HSPBAP1: variants seen among roughly 807,000 people sequenced by gnomAD.
The protein encoded by HSPBAP1 is HSPB1-associated protein 1.
HSPBAP1 carries 27 observed loss-of-function variants against 45.2 expected under a neutral mutation model. The ratio of observed to expected loss-of-function variants is 0.60; its 90% CI spans 0.44 to 0.82. The LOEUF (loss-of-function observed/expected upper bound fraction) is 0.82, where lower values mean the gene tolerates loss of function less well. HSPBAP1 is among the 40% of genes least tolerant of loss of function. The probability of loss-of-function intolerance (pLI) is 0.00; values close to 1 mark genes in which losing one functional copy is unlikely to be tolerated. For synonymous variants in HSPBAP1, 204 were observed against 202.7 expected (o/e 1.01, Z -0.06); for missense variants, 510 against 590.9 (o/e 0.86, Z 1.42).
chr3:122,740,406 A>T lies in HSPBAP1; in HGVS notation c.1406T>A (p.Leu469Ter). 6.2e-7 allele frequency: 1 copy of T among 1,613,886 alleles called. No individual in the cohort carries two copies. The highest frequency in any genetic ancestry group is 8.5e-7 in the Non-Finnish European group (1 of 1,179,788). ...FISTDDLLDC[L>*]VNPQVTRIVA... Reference sequence around the variant, plus strand: ...TATCCTGGTTACTTGTGGATTCACCAAGCAGTCCAGCAAGTCATCCGTAGA... The same window carrying T: ...TATCCTGGTTACTTGTGGATTCACCTAGCAGTCCAGCAAGTCATCCGTAGA... The change falls in exon 8 of 8, where the codon TTG (leucine) becomes TAG (stop). Residue 469 changes from leucine (L) to a stop codon, truncating the protein, a stop_gained. Coordinates refer to ENST00000306103, the MANE Select transcript of HSPBAP1 (RefSeq NM_024610.6). LOFTEE classifies it high-confidence loss of function.
At chr3:122,745,840 G>A (rs900169256) in intron 6 of HSPBAP1, among the ~76,000 whole-genome samples, 4 of 152,184 alleles carry the variant, frequency 2.6e-5, no homozygotes, top group African/African-American at 9.7e-5. Flanking sequence ...ATGGTAAGAA[G>A]AAATCTTCTA....
chr3:122,792,776 CAGA>C (rs1341902907), intron 1 of HSPBAP1, among the ~76,000 whole-genome samples: 1 of 151,694 alleles, frequency 6.6e-6, no homozygotes, highest in Non-Finnish European at 1.5e-5. Flanking sequence ...GACGCTGAGG[CAGA>C]AGAATTGCTT....
chr3:122,745,370 A>G (rs950527162), intron 6 of HSPBAP1, among the ~76,000 whole-genome samples: 54 of 152,228 alleles, frequency 3.5e-4, no homozygotes, highest in Non-Finnish European at 4.9e-4. Flanking sequence ...ACAGAATGGA[A>G]GAGAAGACCT....
chr3:122,744,840 A>G (rs1421779688), intron 6 of HSPBAP1, among the ~76,000 whole-genome samples: 1 of 152,240 alleles, frequency 6.6e-6, no homozygotes, highest in South Asian at 2.1e-4. Flanking sequence ...TAAAAACAGT[A>G]TATCAAAACC....
intron 4 of HSPBAP1, among the ~76,000 whole-genome samples, chr3:122,757,094 A>G (rs986407492): frequency 2.0e-5 from 3 of 152,150 alleles, no homozygotes; most frequent in Non-Finnish European, 2.9e-5. Context: ...AACAGCCATA[A>G]TGATAACCAT....
intron 6 of HSPBAP1, among the ~76,000 whole-genome samples, chr3:122,748,603 C>A (rs1172687825): frequency 2.0e-5 from 3 of 152,120 alleles, no homozygotes; most frequent in South Asian, 4.1e-4. Context: ...GTTGGTGAGG[C>A]TGTGGAGGAA....
intron 1 of HSPBAP1, among the ~76,000 whole-genome samples, chr3:122,778,223 T>TTTG (rs1553756099): frequency 7.4e-4 from 112 of 151,366 alleles, no homozygotes; most frequent in Non-Finnish European, 1.2e-3. Flanking sequence ...TTGTTGTTTT[T>TTTG]TTTTTTTAAT....
chr3:122,770,505 C>G (rs937827803), intron 2 of HSPBAP1, among the ~76,000 whole-genome samples: 3 of 152,034 alleles, frequency 2.0e-5, no homozygotes, highest in African/African-American at 7.3e-5. Flanking sequence ...TTGAGATCAT[C>G]CTGGGCAATA....
At chr3:122,746,307 T>C (rs1432298453) in intron 6 of HSPBAP1, among the ~76,000 whole-genome samples, 1 of 150,828 alleles carries the variant, frequency 6.6e-6, no homozygotes, top group Non-Finnish European at 1.5e-5. Context: ...GTTTTTTTTT[T>C]TTTTCCTAAA....
intron 6 of HSPBAP1, among the ~76,000 whole-genome samples, chr3:122,742,777 C>T (rs1933712574): frequency 6.6e-6 from 1 of 152,128 alleles, no homozygotes; most frequent in Non-Finnish European, 1.5e-5. Flanking sequence ...AATAGAAGTC[C>T]TATGTGAGTT....
chr3:122,764,047 C>T (rs1440671271), intron 3 of HSPBAP1, among the ~76,000 whole-genome samples: 6 of 152,238 alleles, frequency 3.9e-5, no homozygotes, highest in Non-Finnish European at 7.3e-5. Flanking sequence ...CGCTTGTCCC[C>T]ATATCCATCT....
At chr3:122,762,969 C>T (rs75889285) in intron 3 of HSPBAP1, among the ~76,000 whole-genome samples, 5,059 of 152,248 alleles carry the variant, frequency 0.033, 112 homozygotes, top group Middle Eastern at 0.088. Flanking sequence ...AATCCCCCTA[C>T]TATAATTGTG....
At chr3:122,785,900 C>CGTGT (rs34416935) in intron 1 of HSPBAP1, among the ~76,000 whole-genome samples, 4 of 149,830 alleles carry the variant, frequency 2.7e-5, no homozygotes, top group African/African-American at 4.9e-5. Context: ...CATGTGTGTG[C>CGTGT]GTGTGTGTGT....
chr3:122,753,564 A>G (rs1054100314), intron 5 of HSPBAP1: 1 of 984,858 alleles, frequency 1.0e-6, no homozygotes, highest in Non-Finnish European at 1.2e-6. Context: ...CAATGGGCAG[A>G]GTCAAGAAGG....
intron 1 of HSPBAP1, chr3:122,786,572 T>C (rs988482244): frequency 1.3e-5 from 2 of 152,226 alleles, no homozygotes; most frequent in Non-Finnish European, 2.9e-5. Context: ...ATTTCTTCTC[T>C]AGCATAAAGT....
Position 122,793,619 on chromosome 3 carries a change from T to A in HSPBAP1, c.62A>T (p.Glu21Val). The A allele has an allele frequency of 1.2e-6, 2 of 1,613,634 alleles. No homozygotes were observed. Among genetic ancestry groups the A allele is most frequent in the Non-Finnish European group, 1.7e-6 (2 of 1,179,910 alleles). ...VIVAAGAGGE[E>V]GEHVKPFKPE... is the part of the protein sequence containing the mutation. ...TCGGACCTCAGCCTGGCACCTACCT[T>A]CCTCCCCTCCAGCCCCAGCCGCAAC... is the stretch of plus-strand genomic sequence containing the variant. The change falls in exon 1 of 8, where the codon GAA becomes GTA. Residue 21 changes from glutamate to valine, a missense_variant and splice_region_variant. Glu to Val is a moderately radical substitution (Grantham distance 121). Coordinates refer to ENST00000306103, the MANE Select transcript of HSPBAP1 (RefSeq NM_024610.6).
chr3:122,760,792 G>C (rs752002183), intron 3 of HSPBAP1, among the ~76,000 whole-genome samples: 7 of 152,128 alleles, frequency 4.6e-5, no homozygotes, highest in African/African-American at 7.2e-5. Context: ...TTACAGCTTG[G>C]AACACACTGG....
intron 3 of HSPBAP1, among the ~76,000 whole-genome samples, chr3:122,766,786 T>C (rs1934796347): frequency 1.3e-5 from 2 of 152,386 alleles, no homozygotes; most frequent in South Asian, 4.1e-4. Flanking sequence ...CCTTGTTGTA[T>C]AATCTTAGAA....
intron 3 of HSPBAP1, among the ~76,000 whole-genome samples, chr3:122,763,437 G>A (rs1934668812): frequency 1.3e-5 from 2 of 149,500 alleles, no homozygotes; most frequent in African/African-American, 4.9e-5. Flanking sequence ...TTACATATCA[G>A]TTATACCCCA....
Sources: allele counts gnomAD v4.1 joint callset (sites outside exome capture counted in the v4.1 genomes callset), GRCh38; gene constraint gnomAD v4.1.1; transcripts MANE v1.5; gene names NCBI Gene and HGNC (gene_info 2026-07-23, HGNC 2026-07-21).